Variants in IFNGR2 observed in about 807,000 individuals in gnomAD.
The protein encoded by IFNGR2 is interferon gamma receptor 2, also known as IFN-gamma receptor 2.
A neutral mutation model predicts 41.1 loss-of-function variants in IFNGR2; 15 were observed. The observed-to-expected ratio is 0.37, with a 90% CI of 0.24 to 0.56. IFNGR2 has a LOEUF of 0.56. Ranked by LOEUF, IFNGR2 falls within the 20% of genes least tolerant of loss-of-function variation. The pLI, the probability that IFNGR2 is intolerant of heterozygous loss-of-function variation, is 0.81. For missense variants in IFNGR2, 362 were observed against 415.7 expected (o/e 0.87, Z 1.12); for synonymous variants, 161 against 171.6 (o/e 0.94, Z 0.48).
chr21:33,435,882 CAAA>C (rs35251279), intron 6 of IFNGR2, among the ~76,000 whole-genome samples: 41 of 48,244 alleles, frequency 8.5e-4, no homozygotes, highest in African/African-American at 3.7e-3. Flanking sequence ...GACTCCGTCT[CAAA>C]AAAAAAAAAA....
chr21:33,437,122 C>G lies in IFNGR2; in HGVS notation c.*160C>G. 1 of 576,458 alleles carries G rather than the reference C, an allele frequency of 1.7e-6. No individual in the cohort carries two copies. The highest frequency in any genetic ancestry group is 3.0e-6 in the Non-Finnish European group (1 of 329,982). 35.7% of individuals were successfully genotyped at this position (576,458 alleles called of 1,614,324 possible). Reference sequence around the variant, plus strand: ...GAGACAGCAGGTCTCATGGGGGTGACAAGCTTTTTTTTTTTTTCTTAAAGA... The same window carrying G: ...GAGACAGCAGGTCTCATGGGGGTGAGAAGCTTTTTTTTTTTTTCTTAAAGA... On this transcript the variant is annotated 3_prime_UTR_variant, in exon 7 of 7. Transcript: ENST00000290219.
intron 1 of IFNGR2, among the ~76,000 whole-genome samples, chr21:33,413,824 A>AC (rs1416112680): frequency 3.4e-5 from 3 of 87,928 alleles, no homozygotes; most frequent in African/African-American, 1.3e-4. Context: ...TTGCCCCCTA[A>AC]CCTTTTTTTT....
At chr21:33,429,006 TGAA>T (rs2123362243) in intron 4 of IFNGR2, among the ~76,000 whole-genome samples, 2 of 152,298 alleles carry the variant, frequency 1.3e-5, no homozygotes, top group South Asian at 4.1e-4. Context: ...CAAGCTCTAA[TGAA>T]GAGCACACAG....
At chr21:33,422,489 G>A (rs1273471870) in intron 3 of IFNGR2, among the ~76,000 whole-genome samples, 1 of 152,162 alleles carries the variant, frequency 6.6e-6, no homozygotes, top group Admixed American at 6.5e-5. Flanking sequence ...TTATAATGGT[G>A]TTTTGGTTAT....
intron 1 of IFNGR2, among the ~76,000 whole-genome samples, chr21:33,412,824 G>A (rs1476220171): frequency 3.3e-5 from 5 of 152,194 alleles, no homozygotes; most frequent in Non-Finnish European, 7.3e-5. Context: ...CAAAGTGCTG[G>A]GATTTCAGGC....
chr21:33,409,966 C>T (rs116236325), intron 1 of IFNGR2, among the ~76,000 whole-genome samples: 71 of 152,170 alleles, frequency 4.7e-4, no homozygotes, highest in African/African-American at 1.5e-3. Context: ...CGACCATTAA[C>T]GCATTAGTCC....
intron 4 of IFNGR2, 62 bp from the exon 5 acceptor site, chr21:33,432,115 A>G: frequency 6.9e-7 from 1 of 1,451,020 alleles, no homozygotes. Flanking sequence ...GAAACATCAG[A>G]AAAGATGTAG....
At chr21:33,413,359 C>T (rs1468680500) in intron 1 of IFNGR2, among the ~76,000 whole-genome samples, 3 of 152,138 alleles carry the variant, frequency 2.0e-5, no homozygotes, top group African/African-American at 7.2e-5. Flanking sequence ...ACCCAGAGCT[C>T]ATAGGTGTGG....
intron 3 of IFNGR2, among the ~76,000 whole-genome samples, chr21:33,422,292 G>A (rs187917517): frequency 4.6e-5 from 7 of 152,296 alleles, no homozygotes; most frequent in African/African-American, 1.4e-4. Context: ...TGTTCCTCCA[G>A]TAATTCATTT....
chr21:33,423,047 T>TTTC, intron 3 of IFNGR2, among the ~76,000 whole-genome samples: 1 of 141,374 alleles, frequency 7.1e-6, no homozygotes, highest in Non-Finnish European at 1.6e-5. Flanking sequence ...TTTTTTTTTT[T>TTTC]TTTTTTTTTT....
At position 33,408,969 on chromosome 21, in the gene IFNGR2, G is replaced by C. The variant is rs148716888; in HGVS notation, c.73+5353G>C. Among the ~76,000 whole-genome samples the C allele has an allele frequency of 5.9e-3, 897 of 152,164 alleles. 4 individuals are homozygous for C. Among genetic ancestry groups the C allele is most frequent in the African/African-American group, 0.021 (853 of 41,516 alleles). ...CGAGGCAGGTGGATCACTAGGTCAG[G>C]AGTTCGAGACCAGCCTGGCCAAGAT... On this transcript the variant is annotated intron_variant, in intron 1 of 6. Transcript: ENST00000290219.
chr21:33,424,851 G>A (rs547570273), intron 3 of IFNGR2, among the ~76,000 whole-genome samples: 39 of 147,076 alleles, frequency 2.7e-4, no homozygotes, highest in Non-Finnish European at 5.1e-4. Context: ...AGTGATTCTC[G>A]TGCCTCAGCC....
At chr21:33,421,742 G>C in intron 3 of IFNGR2, 57 bp downstream of exon 3, 1 of 1,329,344 alleles carries the variant, frequency 7.5e-7, no homozygotes, top group Non-Finnish European at 1.1e-6. Flanking sequence ...CTTCACTTGC[G>C]GTATCGACTC....
chr21:33,435,882 CAAAAAAAA>C (rs35251279), intron 6 of IFNGR2, among the ~76,000 whole-genome samples: 3 of 48,244 alleles, frequency 6.2e-5, no homozygotes, highest in African/African-American at 9.8e-5. Context: ...GACTCCGTCT[CAAAAAAAA>C]AAAAAAAAAA....
chr21:33,435,529 G>A (rs1302616004), intron 6 of IFNGR2, among the ~76,000 whole-genome samples: 1 of 152,112 alleles, frequency 6.6e-6, no homozygotes, highest in Non-Finnish European at 1.5e-5. Flanking sequence ...ATATTAACAT[G>A]GTCAGCCCTG....
intron 4 of IFNGR2, among the ~76,000 whole-genome samples, chr21:33,428,731 C>T (rs1053721049): frequency 2.0e-5 from 3 of 152,318 alleles, no homozygotes; most frequent in Admixed American, 6.5e-5. Flanking sequence ...GATACGGTGC[C>T]GGAAATGCAA....
intron 1 of IFNGR2, among the ~76,000 whole-genome samples, chr21:33,412,908 A>G (rs998321512): frequency 1.3e-5 from 2 of 152,178 alleles, no homozygotes; most frequent in South Asian, 2.1e-4. Context: ...GAGCTGCCTT[A>G]GACTCTCCAA....
At chr21:33,413,597 C>T (rs147449973) in intron 1 of IFNGR2, among the ~76,000 whole-genome samples, 1 of 152,190 alleles carries the variant, frequency 6.6e-6, no homozygotes, top group African/African-American at 2.4e-5. Flanking sequence ...AAAGCCTTAT[C>T]TTGATTATGT....
chr21:33,433,339 C>G (rs953286701), intron 6 of IFNGR2, among the ~76,000 whole-genome samples: 1 of 152,164 alleles, frequency 6.6e-6, no homozygotes, highest in Non-Finnish European at 1.5e-5. Context: ...CGATTCACAA[C>G]AGCCAAAAGG....
Sources: allele counts gnomAD v4.1 joint callset (sites outside exome capture counted in the v4.1 genomes callset), GRCh38; gene constraint gnomAD v4.1.1; transcripts MANE v1.5; gene names NCBI Gene and HGNC (gene_info 2026-07-23, HGNC 2026-07-21).